Variants in PRKRIP1 observed in about 807,000 individuals in gnomAD.
PRKRIP1 encodes PRKR-interacting protein 1.
Under a neutral mutation model 29.3 loss-of-function variants are expected in PRKRIP1, and 29 were observed. The observed-to-expected ratio is 0.99, with a 90% CI of 0.74 to 1.35. The LOEUF (loss-of-function observed/expected upper bound fraction) is 1.35. Ranked by LOEUF, PRKRIP1 falls within the 40% of genes most tolerant of loss-of-function variation. The pLI is 0.00. For synonymous variants in PRKRIP1, 90 were observed against 85.1 expected, an observed-to-expected ratio of 1.06 and a Z score of -0.32; for missense variants, 247 against 236.8, an observed-to-expected ratio of 1.04 and a Z score of -0.28.
chr7:102,412,369 A>G (rs981482697), intron 5 of PRKRIP1, among the ~76,000 whole-genome samples: 1 of 152,134 alleles, frequency 6.6e-6, no homozygotes, highest in Non-Finnish European at 1.5e-5. Context: ...AGCCTGGTCA[A>G]CAAAATGAGA....
chr7:102,399,823 A>G (rs1554570977), intron 3 of PRKRIP1, among the ~76,000 whole-genome samples, 175 bp downstream of exon 3: 1 of 152,130 alleles, frequency 6.6e-6, no homozygotes, highest in East Asian at 1.9e-4. Flanking sequence ...CAGCCTGACC[A>G]ACATGGAGAA....
chr7:102,425,234 A>AC lies in PRKRIP1; in HGVS notation c.*127dup. ...ACCCGCTGGATGGAGAGCAAAGGAG[A>AC]CCCCTCCCGAGCCGCTCACAGTCCT... On this transcript the variant is annotated 3_prime_UTR_variant, in exon 6 of 6. Coordinates refer to ENST00000397912, the MANE Select transcript of PRKRIP1 (RefSeq NM_024653.4). 1.3e-6 allele frequency: 2 copies of AC among 1,517,610 alleles called. No individual in the cohort carries two copies. The highest frequency in any genetic ancestry group is 8.8e-7 in the Non-Finnish European group (1 of 1,138,190). The allele number at this position is 1,517,610 out of a possible 1,614,324, so 94.0% of individuals were successfully genotyped here. A position where few individuals can be genotyped will look rare whatever the true frequency, so the allele number is the denominator to read the frequency against.
chr7:102,422,899 CAGATATTCCAAAG>C, intron 5 of PRKRIP1: 1 of 238,818 alleles, frequency 4.2e-6, no homozygotes, highest in Admixed American at 5.6e-5. Context: ...TGTGTAGATG[CAGATATTCCAAAG>C]TCTGGAAACA....
chr7:102,410,471 A>C (rs1384180656), intron 5 of PRKRIP1, among the ~76,000 whole-genome samples: 4 of 152,154 alleles, frequency 2.6e-5, no homozygotes, highest in African/African-American at 9.7e-5. Flanking sequence ...ACTGCTAGAC[A>C]GGTCAACTAG....
chr7:102,404,575 A>G, intron 3 of PRKRIP1, 23 bp from the exon 4 acceptor site: 2 of 1,604,238 alleles, frequency 1.2e-6, no homozygotes, highest in Non-Finnish European at 1.7e-6. Flanking sequence ...GAGCGTGTCT[A>G]AATGATGTGG....
chr7:102,404,664 G>A lies in PRKRIP1; in HGVS notation c.373G>A (p.Ala125Thr), dbSNP rs782636694. The A allele has an allele frequency of 4.3e-6, 7 of 1,613,508 alleles. No individual in the cohort carries two copies. The highest frequency in any genetic ancestry group is 3.3e-5 in the Admixed American group (2 of 59,950). Residue 125 changes from alanine to threonine, a missense_variant, in exon 4 of 6, where the codon GCA (alanine) becomes ACA (threonine). Physicochemically the swap from Ala to Thr is moderately conservative, Grantham distance 58. This residue lies in a region of PRKRIP1 where 134 missense variants were observed against 126.6 expected (regional missense o/e 1.06). Transcript: ENST00000397912. Reference protein sequence around the residue: ...KNKIAAEEQTAKRRKKRQKLK... With the variant: ...KNKIAAEEQTTKRRKKRQKLK... ...TAAAATTGCTGCAGAGGAGCAGACC[G>A]CAAAGCGCCGGAAGAAGCGGTAAGC...
rs546389615 is a variant in PRKRIP1 at position 102,425,508 on chromosome 7, C to T, written c.*397C>T. 2.3e-5 allele frequency: 7 copies of T among 298,760 alleles called. No individual in the cohort carries two copies. Among genetic ancestry groups the T allele is most frequent in the African/African-American group, 1.4e-4 (6 of 43,154 alleles). 18.5% of individuals were successfully genotyped at this position (298,760 alleles called of 1,614,324 possible). ...AACACTCTGGAGAAGGCTGAGATGC[C>T]ACCATTCCCACGGGGACTGAAGACA... On this transcript the variant is annotated 3_prime_UTR_variant, in exon 6 of 6. Coordinates refer to ENST00000397912, the MANE Select transcript of PRKRIP1 (RefSeq NM_024653.4).
At chr7:102,403,216 A>G (rs1796118960) in intron 3 of PRKRIP1, among the ~76,000 whole-genome samples, 1 of 152,206 alleles carries the variant, frequency 6.6e-6, no homozygotes, top group Non-Finnish European at 1.5e-5. Context: ...TTTTAGATTT[A>G]AGTCATTTGC....
In PRKRIP1 at chr7:102,425,039, G is replaced by T. The variant is rs1198721978; in HGVS notation, c.483G>T (p.Gly161=). The T allele has an allele frequency of 6.2e-7, 1 of 1,613,888 alleles. No homozygotes were observed. ...GACCCGGTCAGCCCAAGGAGCAGGG[G>T]TCCAGCAGCTCTGCGGAGGCATCTG... ...QEGPGQPKEQ[G]SSSSAEASGT... Residue 161 remains glycine, a synonymous_variant, in exon 6 of 6, where the codon GGG becomes GGT. Coordinates refer to ENST00000397912, the MANE Select transcript of PRKRIP1 (RefSeq NM_024653.4).
At chr7:102,424,455 T>A (rs1192885683) in intron 5 of PRKRIP1, among the ~76,000 whole-genome samples, 1 of 152,204 alleles carries the variant, frequency 6.6e-6, no homozygotes, top group Admixed American at 6.5e-5. Flanking sequence ...TGGGAACACG[T>A]CCTCATGCTC....
intron 5 of PRKRIP1, among the ~76,000 whole-genome samples, chr7:102,409,415 T>C (rs1379619067): frequency 2.0e-5 from 3 of 152,068 alleles, no homozygotes; most frequent in African/African-American, 7.2e-5. Context: ...AGTAGGAGGA[T>C]TGGGCATAAA....
chr7:102,409,910 A>G (rs1158088343), intron 5 of PRKRIP1, among the ~76,000 whole-genome samples: 2 of 152,096 alleles, frequency 1.3e-5, no homozygotes, highest in African/African-American at 2.4e-5. Context: ...GCTGCTTATC[A>G]TTGTCATTGT....
At chr7:102,403,004 A>G (rs547163417) in intron 3 of PRKRIP1, among the ~76,000 whole-genome samples, 171 of 151,920 alleles carry the variant, frequency 1.1e-3, no homozygotes, top group African/African-American at 3.9e-3. Flanking sequence ...CCTCCCGAGT[A>G]CCTGGGATTA....
intron 1 of PRKRIP1, 58 bp from the exon 2 acceptor site, chr7:102,397,562 G>A (rs1795943975): frequency 1.5e-6 from 2 of 1,343,826 alleles, no homozygotes; most frequent in Non-Finnish European, 2.1e-6. Flanking sequence ...AAGAGAGGGA[G>A]ATATATAATT....
At chr7:102,413,241 G>C (rs1362624982) in intron 5 of PRKRIP1, among the ~76,000 whole-genome samples, 16 of 152,154 alleles carry the variant, frequency 1.1e-4, no homozygotes, top group Admixed American at 1.0e-3. Context: ...CACCCCAGTG[G>C]GGGAGGAGGA....
At chr7:102,403,768 A>G (rs1796134028) in intron 3 of PRKRIP1, among the ~76,000 whole-genome samples, 1 of 152,232 alleles carries the variant, frequency 6.6e-6, no homozygotes, top group Admixed American at 6.5e-5. Context: ...TTGGAGACAG[A>G]ACTGCTGAGA....
chr7:102,403,798 C>T (rs116954131), intron 3 of PRKRIP1, among the ~76,000 whole-genome samples: 1 of 152,286 alleles, frequency 6.6e-6, no homozygotes. Flanking sequence ...GCAGTACTTA[C>T]AAATATCTGT....
At chr7:102,398,377 C>T (rs1407462393) in intron 2 of PRKRIP1, among the ~76,000 whole-genome samples, 2 of 151,900 alleles carry the variant, frequency 1.3e-5, no homozygotes, top group South Asian at 2.1e-4. Flanking sequence ...CTCCGCCTTC[C>T]GGGTTCAAGC....
intron 1 of PRKRIP1, 28 bp downstream of exon 1, chr7:102,396,565 C>T: frequency 5.6e-6 from 9 of 1,595,870 alleles, no homozygotes; most frequent in Middle Eastern, 1.8e-4. Flanking sequence ...CTCCACGGCC[C>T]GTCCGAGGCC....
Sources: gnomAD v4.1 joint callset for allele counts (sites outside exome capture counted in the v4.1 genomes callset) on GRCh38, gnomAD v4.1.1 for gene constraint, gnomAD v4.1.1 regional missense constraint, MANE v1.5 for transcripts, NCBI Gene and HGNC (gene_info 2026-07-23, HGNC 2026-07-21) for gene names.